ARHGAP24: variants seen among roughly 807,000 people sequenced by gnomAD.
ARHGAP24 encodes the protein rho GTPase-activating protein 24.
In ARHGAP24, 50 loss-of-function variants were observed where a neutral mutation model predicts 76.4. The ratio of observed to expected loss-of-function variants is 0.65; its 90% confidence interval spans 0.52 to 0.83. The LOEUF (loss-of-function observed/expected upper bound fraction) is 0.83, where lower values mean the gene tolerates loss of function less well. Ranked by LOEUF, ARHGAP24 falls within the 40% of genes least tolerant of loss-of-function variation. The pLI is 0.00. For missense variants in ARHGAP24, 930 were observed against 914.2 expected, an observed-to-expected ratio of 1.02 and a Z score of -0.22; for synonymous variants, 345 against 323.3, an observed-to-expected ratio of 1.07 and a Z score of -0.72.
In ARHGAP24 at chr4:86,000,584, T is replaced by A. The variant is rs1316654171; in HGVS notation, c.2109T>A (p.Asn703Lys). The A allele has an allele frequency of 6.2e-7, 1 of 1,611,922 alleles. No homozygotes were observed. The highest frequency in any genetic ancestry group is 1.3e-5 in the African/African-American group (1 of 74,418). The change falls in exon 10 of 10, where the codon AAT becomes AAA. Residue 703 changes from asparagine (N) to lysine (K), a missense_variant. Transcript: ENST00000395184. The part of the protein sequence containing the change: ...KFTMIEIKMR[N>K]AERAKEDAEK... ...CAATGATAGAAATAAAAATGCGAAA[T>A]GCCGAGCGAGCAAAAGAAGATGCCG...
intron 1 of ARHGAP24, among the ~76,000 whole-genome samples, chr4:85,535,345 A>G (rs1371443405): frequency 6.6e-6 from 1 of 152,222 alleles, no homozygotes; most frequent in African/African-American, 2.4e-5. Flanking sequence ...ACTGGATAAC[A>G]TACAACTACT....
intron 1 of ARHGAP24, among the ~76,000 whole-genome samples, chr4:85,570,289 CT>C (rs1727068403): frequency 6.6e-6 from 1 of 152,038 alleles, no homozygotes; most frequent in African/African-American, 2.4e-5. Context: ...CTTTCCTTAC[CT>C]TTACTTCCCT....
intron 3 of ARHGAP24, among the ~76,000 whole-genome samples, chr4:85,746,561 C>A (rs1726046054): frequency 6.6e-6 from 1 of 151,998 alleles, no homozygotes; most frequent in South Asian, 2.1e-4. Flanking sequence ...TCCTTGGAGG[C>A]AGGGGCTATA....
intron 3 of ARHGAP24, among the ~76,000 whole-genome samples, chr4:85,764,493 A>G (rs1231732810): frequency 2.0e-5 from 3 of 152,176 alleles, no homozygotes; most frequent in Non-Finnish European, 4.4e-5. Context: ...TTAACCAGAT[A>G]AAACACAGGT....
intron 2 of ARHGAP24, among the ~76,000 whole-genome samples, chr4:85,607,501 G>T (rs925402635): frequency 2.6e-5 from 4 of 151,680 alleles, no homozygotes; most frequent in Non-Finnish European, 5.9e-5. Flanking sequence ...ATATCATGCA[G>T]GAATCATCTC....
chr4:85,875,040 T>TTATTTATATATAATATATTA (rs1553937356), intron 3 of ARHGAP24, among the ~76,000 whole-genome samples: 26,042 of 42,854 alleles, frequency 0.61, 11,661 homozygotes, highest in Non-Finnish European at 0.64. Flanking sequence ...ATATACTATA[T>TTATTTATATATAATATATTA]TATTTATATA....
chr4:85,611,234 G>C (rs1008519661), intron 2 of ARHGAP24, among the ~76,000 whole-genome samples: 3 of 152,116 alleles, frequency 2.0e-5, no homozygotes, highest in African/African-American at 7.2e-5. Context: ...GTGGATAAGT[G>C]AATATTTTAT....
chr4:85,729,831 C>T (rs764151359), intron 3 of ARHGAP24, among the ~76,000 whole-genome samples: 16 of 152,004 alleles, frequency 1.1e-4, no homozygotes, highest in Non-Finnish European at 2.1e-4. Flanking sequence ...TTTTTCCAAC[C>T]ACTTAAAAAT....
chr4:85,847,813 T>C (rs1730970284), intron 3 of ARHGAP24, among the ~76,000 whole-genome samples: 1 of 152,136 alleles, frequency 6.6e-6, no homozygotes, highest in Admixed American at 6.5e-5. Flanking sequence ...TGGTGGTATT[T>C]GGAGGGTAAT....
chr4:85,878,474 T>C (rs1168067277), intron 3 of ARHGAP24, among the ~76,000 whole-genome samples: 1 of 152,200 alleles, frequency 6.6e-6, no homozygotes, highest in Non-Finnish European at 1.5e-5. Context: ...CATCATCTTT[T>C]AAGATAGAGA....
At chr4:85,484,905 T>C (rs112090841) in intron 1 of ARHGAP24, among the ~76,000 whole-genome samples, 10,523 of 152,104 alleles carry the variant, frequency 0.069, 1,158 homozygotes, top group African/African-American at 0.24. Flanking sequence ...ACATGAGCCA[T>C]TGGCCATCAT....
intron 1 of ARHGAP24, among the ~76,000 whole-genome samples, chr4:85,538,154 G>A (rs1725543319): frequency 2.0e-5 from 3 of 152,052 alleles, no homozygotes; most frequent in Admixed American, 1.3e-4. Context: ...AGGATTTTGA[G>A]GTATGAAGTG....
intron 3 of ARHGAP24, among the ~76,000 whole-genome samples, chr4:85,807,546 C>A (rs888208202): frequency 1.3e-5 from 2 of 152,074 alleles, no homozygotes; most frequent in Middle Eastern, 3.2e-3. Context: ...TCTTTCCTTG[C>A]CTTATTTTTC....
intron 3 of ARHGAP24, among the ~76,000 whole-genome samples, chr4:85,910,393 AC>A (rs1319631896): frequency 6.6e-6 from 1 of 152,152 alleles, no homozygotes; most frequent in African/African-American, 2.4e-5. Flanking sequence ...TTGTCCTGCG[AC>A]CAAGAACTCA....
Position 85,497,311 on chromosome 4 carries a change from T to C in ARHGAP24, c.-21+21752T>C, listed in dbSNP as rs1252966853. ...ATGTCTCAGCTCTGTCAAAGTACTC[T>C]GTGTAACACTGGGAAAACAACTTCT... On this transcript the variant is annotated intron_variant, in intron 1 of 9. Coordinates refer to ENST00000395184, the MANE Select transcript of ARHGAP24 (RefSeq NM_001025616.3). Among the ~76,000 whole-genome samples the C allele has an allele frequency of 2.0e-5, 3 of 152,380 alleles. No individual in the cohort carries two copies. The East Asian group carries it at 5.8e-4, about 29-fold the overall frequency.
At chr4:85,513,485 C>A (rs1419046033) in intron 1 of ARHGAP24, among the ~76,000 whole-genome samples, 1 of 151,928 alleles carries the variant, frequency 6.6e-6, no homozygotes, top group Non-Finnish European at 1.5e-5. Context: ...GAAATATTTT[C>A]TTTGTGTGTA....
At chr4:85,751,421 T>A (rs952745395) in intron 3 of ARHGAP24, among the ~76,000 whole-genome samples, 1 of 152,218 alleles carries the variant, frequency 6.6e-6, no homozygotes, top group African/African-American at 2.4e-5. Context: ...TGAGTGTGTG[T>A]ATTAAATTTA....
intron 3 of ARHGAP24, among the ~76,000 whole-genome samples, chr4:85,912,856 T>A (rs1271307400): frequency 6.6e-6 from 1 of 152,214 alleles, no homozygotes; most frequent in Non-Finnish European, 1.5e-5. Flanking sequence ...CAATGCTATT[T>A]TTTTTTCTTT....
chr4:85,902,765 A>C (rs1269097574), intron 3 of ARHGAP24, among the ~76,000 whole-genome samples: 1 of 152,046 alleles, frequency 6.6e-6, no homozygotes, highest in African/African-American at 2.4e-5. Context: ...CACTGCGCTC[A>C]TCTAATTTTT....
Sources: gnomAD v4.1 joint callset for allele counts (sites outside exome capture counted in the v4.1 genomes callset) on GRCh38, gnomAD v4.1.1 for gene constraint, MANE v1.5 for transcripts, NCBI Gene and HGNC (gene_info 2026-07-23, HGNC 2026-07-21) for gene names.